Variants in SORBS2 observed in about 807,000 individuals in gnomAD.
The protein encoded by SORBS2 is sorbin and SH3 domain-containing protein 2.
Under a neutral mutation model 97.7 loss-of-function variants are expected in SORBS2, and 46 were observed. That is an observed-to-expected ratio of 0.47 (90% CI 0.37 to 0.60). The LOEUF (loss-of-function observed/expected upper bound fraction) is 0.60. SORBS2 is among the 20% of genes least tolerant of loss of function. The pLI, the probability that SORBS2 is intolerant of heterozygous loss-of-function variation, is 0.00. For synonymous variants in SORBS2, 476 were observed against 473.4 expected, an observed-to-expected ratio of 1.01 and a Z score of -0.07; for missense variants, 1,316 against 1,282.3, an observed-to-expected ratio of 1.03 and a Z score of -0.40.
chr4:185,799,888 C>T (rs1312129522), intron 1 of SORBS2, among the ~76,000 whole-genome samples: 5 of 152,126 alleles, frequency 3.3e-5, no homozygotes, highest in Admixed American at 2.6e-4. Context: ...AACTCCCACC[C>T]GACAATGTGT....
intron 1 of SORBS2, among the ~76,000 whole-genome samples, chr4:185,951,640 A>G (rs1445846797): frequency 6.6e-6 from 1 of 152,264 alleles, no homozygotes; most frequent in African/African-American, 2.4e-5. Flanking sequence ...TGGTATCAGC[A>G]GTACCATAAG....
At chr4:185,649,543 A>T (rs1263350683) in exon 3 of SORBS2, 2 of 1,606,058 alleles carry the variant, frequency 1.2e-6, no homozygotes, top group African/African-American at 2.7e-5. Flanking sequence ...ACTGGGGAGG[A>T]CGCATCCTTA....
At chr4:185,685,866 A>T (rs1561909930) in intron 2 of SORBS2, among the ~76,000 whole-genome samples, 1 of 152,186 alleles carries the variant, frequency 6.6e-6, no homozygotes, top group Non-Finnish European at 1.5e-5. Flanking sequence ...CATATCTTTA[A>T]ACTTATGCAA....
chr4:185,655,126 T>G (rs1467792149), intron 1 of SORBS2, among the ~76,000 whole-genome samples: 1 of 152,218 alleles, frequency 6.6e-6, no homozygotes, highest in Non-Finnish European at 1.5e-5. Flanking sequence ...ACTGAAAGGT[T>G]CACATAGATG....
intron 8 of SORBS2, 51 bp from the exon 21 acceptor site, chr4:185,618,682 C>T (rs1488236584): frequency 1.6e-6 from 2 of 1,288,226 alleles, no homozygotes; most frequent in Non-Finnish European, 2.2e-6. Flanking sequence ...GAATTTTCTA[C>T]AAGAAAGTAG....
chr4:185,785,441 A>T (rs2099051801), intron 1 of SORBS2, among the ~76,000 whole-genome samples: 1 of 152,252 alleles, frequency 6.6e-6, no homozygotes, highest in Non-Finnish European at 1.5e-5. Context: ...AATATAAATC[A>T]TAACGATTCC....
intron 1 of SORBS2, among the ~76,000 whole-genome samples, chr4:185,804,118 CA>C (rs144960120): frequency 0.019 from 2,867 of 152,192 alleles, 43 homozygotes; most frequent in Non-Finnish European, 0.03. Context: ...GTGTTTTACC[CA>C]AAAAGCATAC....
intron 4 of SORBS2, among the ~76,000 whole-genome samples, chr4:185,640,990 A>C (rs1314284531): frequency 6.6e-6 from 1 of 152,230 alleles, no homozygotes; most frequent in East Asian, 1.9e-4. Flanking sequence ...GAATCTGTTT[A>C]AGAAACATTA....
In SORBS2 at chr4:185,626,943, C is replaced by T. The variant is rs1344979878; in HGVS notation, c.523G>A (p.Asp175Asn). 3.7e-6 allele frequency: 6 copies of T among 1,614,110 alleles called. No individual in the cohort carries two copies. The African/African-American group carries it at 6.7e-5, about 18-fold the overall frequency. Residue 175 changes from aspartate to asparagine, a missense_variant, in exon 6 of 15, where the codon GAT becomes AAT. By Grantham distance (23) the Asp-to-Asn change is conservative. Transcript: ENST00000418609. ...GGGCTAGTCCTGCTCGCACTTTGAT[C>T]TCCCAAGCCCCGTGGTGGACCCACT...
intron 1 of SORBS2, among the ~76,000 whole-genome samples, chr4:185,937,255 C>A (rs1284014403): frequency 6.6e-6 from 1 of 152,132 alleles, no homozygotes; most frequent in African/African-American, 2.4e-5. Flanking sequence ...TACATGTGAC[C>A]TTTTGAAAAG....
At chr4:185,826,727 T>C (rs924731482) in intron 1 of SORBS2, among the ~76,000 whole-genome samples, 3 of 152,204 alleles carry the variant, frequency 2.0e-5, no homozygotes, top group African/African-American at 7.2e-5. Flanking sequence ...CTGACTTCTG[T>C]GATGTATAGG....
chr4:185,587,079 T>C (rs2153347453), exon 15 of SORBS2: 1 of 153,812 alleles, frequency 6.5e-6, no homozygotes, highest in South Asian at 2.1e-4. Context: ...TTACAACATG[T>C]ATGTGCAGGC....
chr4:185,916,783 C>T (rs2099258375), intron 1 of SORBS2, among the ~76,000 whole-genome samples: 1 of 152,148 alleles, frequency 6.6e-6, no homozygotes, highest in Admixed American at 6.5e-5. Context: ...CCCCACCTCC[C>T]CCAACAAAGA....
chr4:185,886,574 G>GAAAAAA (rs2099239741), intron 1 of SORBS2, among the ~76,000 whole-genome samples: 1 of 108,636 alleles, frequency 9.2e-6, no homozygotes, highest in African/African-American at 3.7e-5. Flanking sequence ...AAAAAAAAAA[G>GAAAAAA]AAAAGAAAAA....
chr4:185,590,118 A>G (rs2095887406), intron 13 of SORBS2, among the ~76,000 whole-genome samples: 1 of 152,252 alleles, frequency 6.6e-6, no homozygotes, highest in South Asian at 2.1e-4. Context: ...TTGTCCAGCC[A>G]TCTAACGTCT....
At chr4:185,639,233 C>T (rs1281908982) in intron 4 of SORBS2, among the ~76,000 whole-genome samples, 198 bp from the exon 14 acceptor site, 5 of 152,140 alleles carry the variant, frequency 3.3e-5, no homozygotes, top group Non-Finnish European at 7.3e-5. Flanking sequence ...GGAGTGGATC[C>T]CCAGGATTCA....
intron 2 of SORBS2, among the ~76,000 whole-genome samples, chr4:185,746,173 G>A (rs938047520): frequency 3.3e-5 from 5 of 152,128 alleles, no homozygotes; most frequent in African/African-American, 4.8e-5. Flanking sequence ...ACTCACTCGC[G>A]ACAGAATTCA....
intron 5 of SORBS2, among the ~76,000 whole-genome samples, chr4:185,627,767 A>C (rs1463385257): frequency 6.6e-6 from 1 of 152,158 alleles, no homozygotes; most frequent in African/African-American, 2.4e-5. Context: ...ATGTGTGTCC[A>C]TCATTAATGT....
At chr4:185,746,186 C>T (rs1200517870) in intron 2 of SORBS2, among the ~76,000 whole-genome samples, 2 of 152,204 alleles carry the variant, frequency 1.3e-5, no homozygotes, top group East Asian at 3.8e-4. Flanking sequence ...AGAATTCAAA[C>T]ACTCGTAGTT....
Sources: allele counts gnomAD v4.1 joint callset (sites outside exome capture counted in the v4.1 genomes callset), GRCh38; gene constraint gnomAD v4.1.1; transcripts MANE v1.5; gene names NCBI Gene and HGNC (gene_info 2026-07-23, HGNC 2026-07-21).